AKR1B1: variants seen among roughly 807,000 people sequenced by gnomAD.
AKR1B1 encodes the protein aldo-keto reductase family 1 member B.
In AKR1B1, 22 loss-of-function variants were observed where a neutral mutation model predicts 40.4. That is an observed-to-expected ratio of 0.54 (90% CI 0.39 to 0.78). AKR1B1 has a LOEUF of 0.78. Ranked by LOEUF, AKR1B1 falls within the 30% of genes least tolerant of loss-of-function variation. AKR1B1 has a pLI of 0.00. For missense variants in AKR1B1, 357 were observed against 396.7 expected (o/e 0.90, Z 0.85); for synonymous variants, 157 against 149.9 (o/e 1.05, Z -0.35).
chr7:134,454,315 TCCTCCACCA>T (rs1340131330), intron 1 of AKR1B1, among the ~76,000 whole-genome samples: 2 of 152,060 alleles, frequency 1.3e-5, no homozygotes, highest in African/African-American at 4.8e-5. Context: ...TGCCCTTGAG[TCCTCCACCA>T]CCTCCTTCAA....
chr7:134,451,357 C>T, intron 2 of AKR1B1: 1 of 623,564 alleles, frequency 1.6e-6, no homozygotes, highest in Non-Finnish European at 2.9e-6. Context: ...ACCTCAGCCT[C>T]ATCAGCACGG....
chr7:134,455,107 T>C (rs1038695358), intron 1 of AKR1B1, among the ~76,000 whole-genome samples: 7 of 152,254 alleles, frequency 4.6e-5, no homozygotes, highest in South Asian at 4.2e-4. Context: ...CTTACCCCAC[T>C]TGGGGAAGGT....
rs1476880506 is a variant in AKR1B1 at position 134,447,152 on chromosome 7, A to C, written c.825+146T>G. 4 of 766,010 alleles carry C rather than the reference A, an allele frequency of 5.2e-6. No individual in the cohort carries two copies. In the African/African-American group the frequency reaches 6.8e-5, roughly 13 times the overall value. 47.5% of individuals were successfully genotyped at this position (766,010 alleles called of 1,614,324 possible). A position where few individuals can be genotyped will look rare whatever the true frequency, so the allele number is the denominator to read the frequency against. ...GCTCCACTGGTGAGGTGTCAGTCTC[A>C]GTCTTGGCTTGCTCGCCACAGCTCC... On this transcript the variant is annotated intron_variant, in intron 8 of 9. Coordinates refer to ENST00000285930, the MANE Select transcript of AKR1B1 (RefSeq NM_001628.4).
chr7:134,458,902 G>A (rs1806579604), intron 1 of AKR1B1, 95 bp downstream of exon 1: 3 of 1,403,358 alleles, frequency 2.1e-6, no homozygotes, highest in African/African-American at 2.9e-5. Flanking sequence ...CGTCCGCGGG[G>A]CGAGCTGCTC....
At position 134,445,354 on chromosome 7, in the gene AKR1B1, G is replaced by T. The variant is rs1409382284; in HGVS notation, c.826-34C>A. On this transcript the variant is annotated intron_variant, in intron 8 of 9. Transcript: ENST00000285930. ...CAAACAAAAAAATCCAGTAAGCTCT[G>T]CAAATAAAAATAAAAGACAAAATAC... The T allele has an allele frequency of 3.2e-6, 5 of 1,568,514 alleles. No homozygotes were observed. In the South Asian group the frequency reaches 5.7e-5, roughly 18 times the overall value.
intron 9 of AKR1B1, 113 bp from the exon 10 acceptor site, chr7:134,442,883 G>A (rs1295779911): frequency 4.8e-6 from 5 of 1,037,630 alleles, no homozygotes; most frequent in South Asian, 1.4e-5. Context: ...GAACCTCAGA[G>A]GCAACAAGCT....
At position 134,445,293 on chromosome 7, in the gene AKR1B1, C is replaced by T. The variant is rs750121058; in HGVS notation, c.853G>A (p.Asp285Asn). 77 of 1,613,042 alleles carry T rather than the reference C, an allele frequency of 4.8e-5. No individual in the cohort carries two copies. Among genetic ancestry groups the T allele is most frequent in the Admixed American group, 8.3e-5 (5 of 59,906 alleles). ...TTGTAGCTGAGTAAGGTGGTCATAT[C>T]CTGGCTGCTCAGTTCAAAGTCAAAG... ...KVFDFELSSQDMTTLLSYNRN... is the reference protein window; with the variant it reads ...KVFDFELSSQNMTTLLSYNRN... Residue 285 changes from aspartate (D) to asparagine (N), a missense_variant, in exon 9 of 10, where the codon GAT (aspartate) becomes AAT (asparagine). Transcript: ENST00000285930.
intron 1 of AKR1B1, among the ~76,000 whole-genome samples, chr7:134,453,573 G>C (rs1176651460): frequency 6.6e-6 from 1 of 151,916 alleles, no homozygotes; most frequent in Non-Finnish European, 1.5e-5. Flanking sequence ...TGGTTTTTCA[G>C]TTCTTTGGAA....
rs748760893 is a variant in AKR1B1 at position 134,447,301 on chromosome 7, A to G, written c.822T>C (p.Phe274=). Residue 274 remains phenylalanine (F), a synonymous_variant, in exon 8 of 10, where the codon TTT becomes TTC. Transcript: ENST00000285930. ...GCCTGACCAGCCAAGATCTTACCTTAAAGTTCTCAGCAATGCGTTCTGGTG... is the reference window on the plus strand; with the variant it reads ...GCCTGACCAGCCAAGATCTTACCTTGAAGTTCTCAGCAATGCGTTCTGGTG... ...SVTPERIAEN[F]KVFDFELSSQ... is the part of the protein sequence containing the mutation. 1 of 1,613,698 alleles carries G rather than the reference A, an allele frequency of 6.2e-7. No individual in the cohort carries two copies. The highest frequency in any genetic ancestry group is 8.5e-7 in the Non-Finnish European group (1 of 1,179,768).
intron 2 of AKR1B1, 138 bp from the exon 3 acceptor site, chr7:134,451,040 T>C: frequency 1.3e-6 from 1 of 744,954 alleles, no homozygotes; most frequent in Non-Finnish European, 2.4e-6. Flanking sequence ...GCATTTCCAC[T>C]GCGTACTGGA....
chr7:134,444,558 G>A (rs1388810231), intron 9 of AKR1B1, among the ~76,000 whole-genome samples: 1 of 152,250 alleles, frequency 6.6e-6, no homozygotes, highest in East Asian at 1.9e-4. Context: ...TAAGGGTAGT[G>A]AGAGAGAAAC....
intron 3 of AKR1B1, among the ~76,000 whole-genome samples, chr7:134,450,069 A>G (rs1292349222): frequency 6.6e-6 from 1 of 152,254 alleles, no homozygotes; most frequent in Non-Finnish European, 1.5e-5. Flanking sequence ...GAAGGACTCA[A>G]GACCAGGACT....
In AKR1B1 at chr7:134,459,076, C is replaced by G. The variant is rs1169329939; in HGVS notation, c.-14G>C. The stretch of plus-strand genomic sequence containing the variant: ...ACGGCTTGCCATGGCTGCTGCGCTC[C>G]CCAGACCCCCGCCCAGTACGGTGCG... On this transcript the variant is annotated 5_prime_UTR_variant, in exon 1 of 10. Coordinates refer to ENST00000285930, the MANE Select transcript of AKR1B1 (RefSeq NM_001628.4). 1.3e-6 allele frequency: 2 copies of G among 1,598,248 alleles called. No individual in the cohort carries two copies. The highest frequency in any genetic ancestry group is 1.7e-6 in the Non-Finnish European group (2 of 1,173,404).
At chr7:134,446,496 G>T (rs1309189886) in intron 8 of AKR1B1, among the ~76,000 whole-genome samples, 1 of 152,260 alleles carries the variant, frequency 6.6e-6, no homozygotes, top group African/African-American at 2.4e-5. Context: ...TAAAGACAGA[G>T]CATCCCTGGC....
chr7:134,448,922 G>A (rs1806192892), intron 5 of AKR1B1, 75 bp downstream of exon 5: 10 of 1,595,656 alleles, frequency 6.3e-6, no homozygotes, highest in Non-Finnish European at 8.6e-6. Context: ...TGGGTGAGGT[G>A]GACGAGAAAT....
At chr7:134,454,603 T>A (rs1489005560) in intron 1 of AKR1B1, among the ~76,000 whole-genome samples, 1 of 152,172 alleles carries the variant, frequency 6.6e-6, no homozygotes, top group Admixed American at 6.5e-5. Context: ...TCTCAGAGAT[T>A]GGATATTTTG....
In AKR1B1 at chr7:134,442,579, C is replaced by T; in HGVS notation, c.*149G>A. ...CTCTACTGACAGGGCTCTTGAGATC[C>T]AACATCAAGCTAGACACGCCCTCGC... On this transcript the variant is annotated 3_prime_UTR_variant, in exon 10 of 10. Coordinates refer to ENST00000285930, the MANE Select transcript of AKR1B1 (RefSeq NM_001628.4). 1.5e-6 allele frequency: 1 copy of T among 682,458 alleles called. No homozygotes were observed. 42.3% of individuals were successfully genotyped at this position (682,458 alleles called of 1,614,324 possible).
At chr7:134,453,602 G>C (rs1806359419) in intron 1 of AKR1B1, among the ~76,000 whole-genome samples, 1 of 152,070 alleles carries the variant, frequency 6.6e-6, no homozygotes, top group Non-Finnish European at 1.5e-5. Context: ...GCACAGACTA[G>C]GATAATCAAG....
At chr7:134,446,918 T>G (rs1425428306) in intron 8 of AKR1B1, among the ~76,000 whole-genome samples, 1 of 152,240 alleles carries the variant, frequency 6.6e-6, no homozygotes, top group Non-Finnish European at 1.5e-5. Flanking sequence ...ATAGGGAAGC[T>G]GAGGCATCGA....
Sources: gnomAD v4.1 joint callset for allele counts (sites outside exome capture counted in the v4.1 genomes callset) on GRCh38, gnomAD v4.1.1 for gene constraint, MANE v1.5 for transcripts, NCBI Gene and HGNC (gene_info 2026-07-23, HGNC 2026-07-21) for gene names.